The following DUSP7 variants were observed in gnomAD, a reference collection of about 807,000 sequenced individuals.
The protein encoded by DUSP7 is dual specificity protein phosphatase 7.
Under a neutral mutation model 29.8 loss-of-function variants are expected in DUSP7, and 7 were observed. The observed-to-expected ratio is 0.24, with a 90% CI of 0.13 to 0.44. DUSP7 has a LOEUF of 0.44. Ranked by LOEUF, DUSP7 falls within the 20% of genes least tolerant of loss-of-function variation. DUSP7 has a pLI of 1.00. For synonymous variants in DUSP7, 287 were observed against 275.4 expected (o/e 1.04, Z -0.42); for missense variants, 400 against 583.7 (o/e 0.69, Z 3.24).
rs1227548204 is a variant in DUSP7 at position 52,050,652 on chromosome 3, C to T, written c.*163G>A. The T allele has an allele frequency of 3.5e-6, 3 of 848,910 alleles. No homozygotes were observed. Among genetic ancestry groups the T allele is most frequent in the Non-Finnish European group, 5.3e-6 (3 of 567,144 alleles). 52.6% of individuals were successfully genotyped at this position (848,910 alleles called of 1,614,324 possible). On this transcript the variant is annotated 3_prime_UTR_variant, in exon 3 of 3. Coordinates refer to ENST00000495880, the MANE Select transcript of DUSP7 (RefSeq NM_001947.4). The surrounding 1 kb of genome is among the most constrained non-coding windows in gnomAD (Gnocchi z 5.0). ...GAGACCTTGCCTGCGGGCCCTGCCC[C>T]CAAGGATGGTGAGGGGCGCTCCGAC...
chr3:52,052,272 C>T (rs547469188), intron 2 of DUSP7: 1 of 152,342 alleles, frequency 6.6e-6, no homozygotes, highest in Non-Finnish European at 1.5e-5. Context: ...TCAATGCCTT[C>T]CTACAAGATG....
In DUSP7 at chr3:52,054,244, G is replaced by A. The variant is rs748787165; in HGVS notation, c.648C>T (p.Cys216=). ...GCTCTCGGTCCGACTCGCCGTCGGA[G>A]CAGTCAGAGCTGATGCGCAGGCCCC... ...GLGGLRISSD[C]SDGESDRELP... The change falls in exon 2 of 3, where the codon TGC becomes TGT. Residue 216 remains cysteine, a synonymous_variant. Transcript: ENST00000495880. The surrounding 1 kb of genome is among the most constrained non-coding windows in gnomAD (Gnocchi z 4.1). 5.0e-6 allele frequency: 8 copies of A among 1,608,372 alleles called. No individual in the cohort carries two copies. Among genetic ancestry groups the A allele is most frequent in the Non-Finnish European group, 6.8e-6 (8 of 1,176,168 alleles).
Position 52,050,553 on chromosome 3 carries a change from C to T in DUSP7, c.*262G>A. ...TGTCAGCAGAAAGGAGCGTCCTGGA[C>T]AGGATGAGGCCCTGGTGGACGCCCA... On this transcript the variant is annotated 3_prime_UTR_variant, in exon 3 of 3. Transcript: ENST00000495880. This position sits in a 1 kb window ranked among gnomAD's most constrained non-coding sequence, Gnocchi z 5.0. 1 of 464,678 alleles carries T rather than the reference C, an allele frequency of 2.2e-6. No individual in the cohort carries two copies. Among genetic ancestry groups the T allele is most frequent in the Non-Finnish European group, 3.8e-6 (1 of 260,562 alleles). 28.8% of individuals were successfully genotyped at this position (464,678 alleles called of 1,614,324 possible).
chr3:52,055,369 G>A (rs971850943), intron 1 of DUSP7, among the ~76,000 whole-genome samples: 1 of 152,216 alleles, frequency 6.6e-6, no homozygotes, highest in Non-Finnish European at 1.5e-5. Context: ...TCCGGTGGAA[G>A]AAGCAATTCC....
rs553815117 is a variant in DUSP7, at chr3:52,056,274, G to A, written c.93C>T (p.Pro31=). 1.0e-5 allele frequency: 13 copies of A among 1,267,090 alleles called. No individual in the cohort carries two copies. In the African/African-American group the frequency reaches 1.7e-4, roughly 17 times the overall value. The allele number at this position is 1,267,090 out of a possible 1,614,324, so 78.5% of individuals were successfully genotyped here. ...AAGGTRAGSE[P]GAGSGSGAGT... ...CTGCGCCGGACCCCGACCCCGCACCGGGCTCGGACCCCGCCCGGGTGCCCC... is the reference window on the plus strand; with the variant it reads ...CTGCGCCGGACCCCGACCCCGCACCAGGCTCGGACCCCGCCCGGGTGCCCC... The change falls in exon 1 of 3, where the codon CCC becomes CCT. Residue 31 remains proline (P), a synonymous_variant. Transcript: ENST00000495880. This position sits in a 1 kb window ranked among gnomAD's most constrained non-coding sequence, Gnocchi z 6.4.
At position 52,053,625 on chromosome 3, in the gene DUSP7, T is replaced by A. The variant is rs1464948138; in HGVS notation, c.952+315A>T. The A allele has an allele frequency of 3.9e-5, 16 of 408,024 alleles. No individual in the cohort carries two copies. Among genetic ancestry groups the A allele is most frequent in the South Asian group, 3.7e-4 (15 of 40,994 alleles). 25.3% of individuals were successfully genotyped at this position (408,024 alleles called of 1,614,324 possible). On this transcript the variant is annotated intron_variant, in intron 2 of 2. Coordinates refer to ENST00000495880, the MANE Select transcript of DUSP7 (RefSeq NM_001947.4). This position sits in a 1 kb window ranked among gnomAD's most constrained non-coding sequence, Gnocchi z 4.6. Reference sequence around the variant, plus strand: ...CCCGTGGGAGGTCTGTGCGCTGTGATGTTTCAGCTTGCTAAGCCCGAAACA... The same window carrying A: ...CCCGTGGGAGGTCTGTGCGCTGTGAAGTTTCAGCTTGCTAAGCCCGAAACA...
Position 52,053,367 on chromosome 3 carries a change from T to C in DUSP7, c.952+573A>G, listed in dbSNP as rs546818252. 4 of 162,206 alleles carry C rather than the reference T, an allele frequency of 2.5e-5. No individual in the cohort carries two copies. The South Asian group carries it at 6.4e-4, about 26-fold the overall frequency. 10.0% of individuals were successfully genotyped at this position (162,206 alleles called of 1,614,324 possible). The stretch of plus-strand genomic sequence containing the variant: ...GAAGGCCTTTCTCCACTCCCCCACC[T>C]TCTCTTGCACTCCTCCCTACACTCC... On this transcript the variant is annotated intron_variant, in intron 2 of 2. Transcript: ENST00000495880. This position sits in a 1 kb window ranked among gnomAD's most constrained non-coding sequence, Gnocchi z 4.6.
chr3:52,055,804 C>G, intron 1 of DUSP7, 46 bp downstream of exon 1: 1 of 1,476,994 alleles, frequency 6.8e-7, no homozygotes, highest in Non-Finnish European at 8.9e-7. Flanking sequence ...GTCAGGGAGT[C>G]GCGGGGGGGC....
rs56411906 is a variant in DUSP7 at position 52,050,387 on chromosome 3, TAAAA to T, written c.*424_*427del. The T allele has an allele frequency of 7.8e-5, 10 of 128,094 alleles. No homozygotes were observed. Among genetic ancestry groups the T allele is most frequent in the African/African-American group, 8.6e-5 (3 of 34,790 alleles). The allele number at this position is 128,094 out of a possible 1,614,324, so 7.9% of individuals were successfully genotyped here. On this transcript the variant is annotated 3_prime_UTR_variant, in exon 3 of 3. Coordinates refer to ENST00000495880, the MANE Select transcript of DUSP7 (RefSeq NM_001947.4). This position sits in a 1 kb window ranked among gnomAD's most constrained non-coding sequence, Gnocchi z 5.0. ...GTAGCCTGAAAATAACACTTTTTGT[TAAAA>T]AAAAAAAAAAAAAAGAAAAATCAAG...
rs1446112364 is a variant in DUSP7, at chr3:52,056,185, T to A, written c.182A>T (p.Gln61Leu). ...AMPCKSAEWLQEELEARGGAS... is the reference protein window; with the variant it reads ...AMPCKSAEWLLEELEARGGAS... ...GCCGCCGCGCGCCTCCAGCTCCTCC[T>A]GCAGCCACTCGGCGCTCTTGCAGGG... Residue 61 changes from glutamine to leucine, a missense_variant, in exon 1 of 3, where the codon CAG (glutamine) becomes CTG (leucine). Physicochemically the swap from Gln to Leu is moderately radical, Grantham distance 113. Transcript: ENST00000495880. This position sits in a 1 kb window ranked among gnomAD's most constrained non-coding sequence, Gnocchi z 6.4. 1.9e-6 allele frequency: 3 copies of A among 1,575,562 alleles called. No individual in the cohort carries two copies. Among genetic ancestry groups the A allele is most frequent in the Non-Finnish European group, 2.6e-6 (3 of 1,168,052 alleles).
In DUSP7 at chr3:52,056,417, G is replaced by T. The variant is rs1257792668; in HGVS notation, c.-51C>A. On this transcript the variant is annotated 5_prime_UTR_variant, in exon 1 of 3. Transcript: ENST00000495880. The surrounding 1 kb of genome is among the most constrained non-coding windows in gnomAD (Gnocchi z 6.4). ...GGGCCGGGCAGCCCTGCCCTGGGAC[G>T]GCGCCCCGGCCGCGCGGGCCCCAGC... 1 of 947,424 alleles carries T rather than the reference G, an allele frequency of 1.1e-6. No homozygotes were observed. Among genetic ancestry groups the T allele is most frequent in the African/African-American group, 1.8e-5 (1 of 55,962 alleles). The allele number at this position is 947,424 out of a possible 1,614,324, so 58.7% of individuals were successfully genotyped here. A position where few individuals can be genotyped will look rare whatever the true frequency, so the allele number is the denominator to read the frequency against.
rs1244250497 is a variant in DUSP7 at position 52,053,475 on chromosome 3, G to T, written c.952+465C>A. On this transcript the variant is annotated intron_variant, in intron 2 of 2. Coordinates refer to ENST00000495880, the MANE Select transcript of DUSP7 (RefSeq NM_001947.4). This position sits in a 1 kb window ranked among gnomAD's most constrained non-coding sequence, Gnocchi z 4.6. ...ACATTTCAATAGCTGCCTGTTTGGG[G>T]TGTGCCTCTGGCTCCAGGGCTACCT... The T allele has an allele frequency of 4.9e-6, 1 of 203,938 alleles. No homozygotes were observed. The highest frequency in any genetic ancestry group is 1.0e-5 in the Non-Finnish European group (1 of 98,716). 12.6% of individuals were successfully genotyped at this position (203,938 alleles called of 1,614,324 possible). A position where few individuals can be genotyped will look rare whatever the true frequency, so the allele number is the denominator to read the frequency against.
intron 1 of DUSP7, among the ~76,000 whole-genome samples, chr3:52,055,146 C>G (rs1032645474): frequency 6.6e-6 from 1 of 151,736 alleles, no homozygotes; most frequent in Non-Finnish European, 1.5e-5. Context: ...CGCAGGCCTC[C>G]CCTCCCCTCC....
chr3:52,055,783 C>A (rs1701894676), intron 1 of DUSP7, 67 bp downstream of exon 1: 3 of 1,457,808 alleles, frequency 2.1e-6, no homozygotes, highest in Non-Finnish European at 2.7e-6. Flanking sequence ...GAAAGCGCCT[C>A]CAAGGGGGGC....
chr3:52,054,265 G>T lies in DUSP7; in HGVS notation c.627C>A (p.Gly209=). The change falls in exon 2 of 3, where the codon GGC becomes GGA. Residue 209 remains glycine, a synonymous_variant. Coordinates refer to ENST00000495880, the MANE Select transcript of DUSP7 (RefSeq NM_001947.4). The surrounding 1 kb of genome is among the most constrained non-coding windows in gnomAD (Gnocchi z 4.1). ...SPPTSVLGLG[G]LRISSDCSDG... ...CGGAGCAGTCAGAGCTGATGCGCAGGCCCCCCAGGCCCAGCACTGAGGTGG... is the reference window on the plus strand; with the variant it reads ...CGGAGCAGTCAGAGCTGATGCGCAGTCCCCCCAGGCCCAGCACTGAGGTGG... The T allele has an allele frequency of 6.2e-7, 1 of 1,605,268 alleles. No individual in the cohort carries two copies. Among genetic ancestry groups the T allele is most frequent in the African/African-American group, 1.3e-5 (1 of 74,858 alleles).
rs1701823602 is a variant in DUSP7 at position 52,049,539 on chromosome 3, G to C, written c.*1276C>G. On this transcript the variant is annotated 3_prime_UTR_variant, in exon 3 of 3. Coordinates refer to ENST00000495880, the MANE Select transcript of DUSP7 (RefSeq NM_001947.4). Reference sequence around the variant, plus strand: ...AAGTCTCCTGGCAGTAGAAGGCATGGGCAAGATGAGGGCAGGGCAAGCTTC... The same window carrying C: ...AAGTCTCCTGGCAGTAGAAGGCATGCGCAAGATGAGGGCAGGGCAAGCTTC... 6.6e-6 allele frequency: 1 copy of C among 152,392 alleles called. No homozygotes were observed. Among genetic ancestry groups the C allele is most frequent in the Admixed American group, 6.5e-5 (1 of 15,290 alleles). The allele number at this position is 152,392 out of a possible 1,614,324, so 9.4% of individuals were successfully genotyped here. A position where few individuals can be genotyped will look rare whatever the true frequency, so the allele number is the denominator to read the frequency against.
At position 52,053,845 on chromosome 3, in the gene DUSP7, A is replaced by T; in HGVS notation, c.952+95T>A. ...ACGTAGGGCACACACAGGTCTCAAC[A>T]GGCCCAGAGGTACCCAGTCAGGCGG... On this transcript the variant is annotated intron_variant, in intron 2 of 2. Coordinates refer to ENST00000495880, the MANE Select transcript of DUSP7 (RefSeq NM_001947.4). The surrounding 1 kb of genome is among the most constrained non-coding windows in gnomAD (Gnocchi z 4.6). The T allele has an allele frequency of 7.1e-7, 1 of 1,404,106 alleles. No individual in the cohort carries two copies. Among genetic ancestry groups the T allele is most frequent in the Non-Finnish European group, 1.0e-6 (1 of 1,003,780 alleles). The allele number at this position is 1,404,106 out of a possible 1,614,324, so 87.0% of individuals were successfully genotyped here. A position where few individuals can be genotyped will look rare whatever the true frequency, so the allele number is the denominator to read the frequency against.
Position 52,053,806 on chromosome 3 carries a change from G to T in DUSP7, c.952+134C>A. On this transcript the variant is annotated intron_variant, in intron 2 of 2. Transcript: ENST00000495880. This position sits in a 1 kb window ranked among gnomAD's most constrained non-coding sequence, Gnocchi z 4.6. The stretch of plus-strand genomic sequence containing the variant: ...ACAGTAGGCCTGGGTACACCCACGG[G>T]CACACGCTGGCACACGTAGGGCACA... 3.1e-6 allele frequency: 3 copies of T among 973,066 alleles called. No individual in the cohort carries two copies. Among genetic ancestry groups the T allele is most frequent in the Non-Finnish European group, 4.6e-6 (3 of 645,428 alleles). The allele number at this position is 973,066 out of a possible 1,614,324, so 60.3% of individuals were successfully genotyped here. A position where few individuals can be genotyped will look rare whatever the true frequency, so the allele number is the denominator to read the frequency against.
intron 1 of DUSP7, 42 bp downstream of exon 1, chr3:52,055,808 G>A (rs780639949): frequency 2.0e-6 from 3 of 1,484,694 alleles, no homozygotes; most frequent in Non-Finnish European, 2.7e-6. Context: ...GGGAGTCGCG[G>A]GGGGGCCCCG....
Sources: gnomAD v4.1 joint callset for allele counts (sites outside exome capture counted in the v4.1 genomes callset) on GRCh38, gnomAD v4.1.1 for gene constraint, Gnocchi (gnomAD v3.1) non-coding constraint, MANE v1.5 for transcripts, NCBI Gene and HGNC (gene_info 2026-07-23, HGNC 2026-07-21) for gene names.